NTM: variants seen among roughly 807,000 people sequenced by gnomAD.
NTM encodes neurotrimin.
A neutral mutation model predicts 42.1 loss-of-function variants in NTM; 13 were observed. That is an observed-to-expected ratio of 0.31 (90% confidence interval 0.20 to 0.49). The LOEUF (loss-of-function observed/expected upper bound fraction) is 0.49, where lower values mean the gene tolerates loss of function less well. Among genes scored for constraint, NTM ranks in the 20% least tolerant of loss-of-function variants. NTM has a pLI of 0.99. For synonymous variants in NTM, 187 were observed against 179.2 expected, an observed-to-expected ratio of 1.04 and a Z score of -0.35; for missense variants, 373 against 452.8, an observed-to-expected ratio of 0.82 and a Z score of 1.60.
intron 3 of NTM, among the ~76,000 whole-genome samples, chr11:132,150,871 C>T (rs1352896141): frequency 1.3e-5 from 2 of 152,170 alleles, no homozygotes; most frequent in Non-Finnish European, 2.9e-5. Context: ...GATTCATCAG[C>T]AGAGGGGAAT....
intron 4 of NTM, among the ~76,000 whole-genome samples, chr11:132,215,441 T>C (rs1352331614): frequency 6.6e-6 from 1 of 151,988 alleles, no homozygotes; most frequent in Non-Finnish European, 1.5e-5. Context: ...GCATTTCTAG[T>C]CTTGACTACC....
intron 4 of NTM, among the ~76,000 whole-genome samples, chr11:132,225,314 A>C (rs2138933620): frequency 6.6e-6 from 1 of 152,160 alleles, no homozygotes; most frequent in Middle Eastern, 3.4e-3. Flanking sequence ...AAAAATTAAA[A>C]AAAAAAAGAC....
chr11:132,191,397 A>G (rs2079304748), intron 3 of NTM, among the ~76,000 whole-genome samples: 2 of 152,218 alleles, frequency 1.3e-5, no homozygotes, highest in Admixed American at 6.5e-5. Context: ...GTTAGAGCAC[A>G]CTGCCCAGGA....
chr11:132,000,952 A>G (rs561127617), intron 2 of NTM, among the ~76,000 whole-genome samples: 1 of 152,364 alleles, frequency 6.6e-6, no homozygotes, highest in African/African-American at 2.4e-5. Context: ...TTCCAGGTAG[A>G]TAAAGCGAAG....
intron 1 of NTM, among the ~76,000 whole-genome samples, chr11:131,628,857 G>T (rs2063377926): frequency 6.6e-6 from 1 of 152,266 alleles, no homozygotes; most frequent in African/African-American, 2.4e-5. Flanking sequence ...GGCAGAGGCA[G>T]ATGTCCAGTT....
chr11:132,110,903 A>ATT (rs951538022), intron 2 of NTM, among the ~76,000 whole-genome samples: 2 of 150,988 alleles, frequency 1.3e-5, no homozygotes, highest in African/African-American at 4.8e-5. Flanking sequence ...TTTAAAAAAT[A>ATT]TTTTTATAAT....
intron 2 of NTM, among the ~76,000 whole-genome samples, chr11:132,141,741 AG>A (rs2069199326): frequency 6.6e-6 from 1 of 152,258 alleles, no homozygotes; most frequent in South Asian, 2.1e-4. Context: ...CAGACTAAGA[AG>A]GGGACTGTGG....
At chr11:132,060,559 A>G (rs1388164499) in intron 2 of NTM, among the ~76,000 whole-genome samples, 2 of 152,236 alleles carry the variant, frequency 1.3e-5, no homozygotes, top group Admixed American at 6.5e-5. Flanking sequence ...CGCACAATAA[A>G]TACAGAAATA....
chr11:131,472,017 T>A (rs141661301), intron 1 of NTM, among the ~76,000 whole-genome samples: 165 of 152,316 alleles, frequency 1.1e-3, no homozygotes, highest in African/African-American at 3.7e-3. Flanking sequence ...ACCAAGACGT[T>A]TCAATTAACA....
chr11:131,822,491 C>T (rs1301954164), intron 1 of NTM, among the ~76,000 whole-genome samples: 1 of 152,124 alleles, frequency 6.6e-6, no homozygotes, highest in African/African-American at 2.4e-5. Context: ...ATACTATTAA[C>T]GCTCAAATCA....
intron 1 of NTM, among the ~76,000 whole-genome samples, chr11:131,604,696 TAAGGTC>T (rs1170173568): frequency 6.8e-6 from 1 of 147,890 alleles, no homozygotes; most frequent in Non-Finnish European, 1.5e-5. Context: ...TGGTAAAATT[TAAGGTC>T]TTTTTTTCTT....
At chr11:131,888,850 T>C (rs1378371622) in intron 1 of NTM, among the ~76,000 whole-genome samples, 1 of 152,090 alleles carries the variant, frequency 6.6e-6, no homozygotes, top group Non-Finnish European at 1.5e-5. Flanking sequence ...ACCTCCTGCA[T>C]TTAAAGAGGA....
At chr11:131,696,789 A>C (rs1017821918) in intron 1 of NTM, among the ~76,000 whole-genome samples, 2 of 151,540 alleles carry the variant, frequency 1.3e-5, no homozygotes, top group Non-Finnish European at 3.0e-5. Flanking sequence ...ACGCATGCAC[A>C]CACACACACA....
chr11:131,673,431 A>G (rs752772087), intron 1 of NTM, among the ~76,000 whole-genome samples: 27 of 152,174 alleles, frequency 1.8e-4, no homozygotes, highest in Non-Finnish European at 3.4e-4. Context: ...CCAGGCCTGT[A>G]CTTTGTAAGA....
At chr11:131,695,547 C>T (rs775665134) in intron 1 of NTM, among the ~76,000 whole-genome samples, 8 of 152,152 alleles carry the variant, frequency 5.3e-5, no homozygotes, top group Non-Finnish European at 1.0e-4. Context: ...ATAGCTCAGA[C>T]TCTTTCCTCT....
chr11:132,094,039 C>T (rs1269525973), intron 2 of NTM, among the ~76,000 whole-genome samples: 2 of 152,040 alleles, frequency 1.3e-5, no homozygotes, highest in African/African-American at 2.4e-5. Flanking sequence ...CAGAAACCGC[C>T]GGTTTGGTTA....
chr11:132,195,089 C>T (rs1042216257), intron 3 of NTM, among the ~76,000 whole-genome samples: 2 of 151,968 alleles, frequency 1.3e-5, no homozygotes, highest in Non-Finnish European at 2.9e-5. Flanking sequence ...TCCTAAAGTA[C>T]TGGGATTACA....
intron 4 of NTM, among the ~76,000 whole-genome samples, chr11:132,282,187 G>T (rs1021360712): frequency 2.0e-5 from 3 of 151,684 alleles, no homozygotes; most frequent in African/African-American, 7.3e-5. Flanking sequence ...CCAATAGGGA[G>T]CCTGGCTCAA....
chr11:131,616,666 C>T (rs896442311), intron 1 of NTM, among the ~76,000 whole-genome samples: 3 of 152,138 alleles, frequency 2.0e-5, no homozygotes, highest in African/African-American at 7.2e-5. Context: ...CCCCACCCGG[C>T]TCCTCTGGTG....
Sources: allele counts gnomAD v4.1 joint callset (sites outside exome capture counted in the v4.1 genomes callset), GRCh38; gene constraint gnomAD v4.1.1; transcripts MANE v1.5; gene names NCBI Gene and HGNC (gene_info 2026-07-23, HGNC 2026-07-21).